GLRA1: variants seen among roughly 807,000 people sequenced by gnomAD.
The protein encoded by GLRA1 is glycine receptor alpha 1.
GLRA1 carries 37 observed loss-of-function variants against 48.3 expected under a neutral mutation model. The ratio of observed to expected loss-of-function variants is 0.77; its 90% CI spans 0.59 to 1.01. GLRA1 has a LOEUF of 1.01. Among genes scored for constraint, GLRA1 ranks in the 50% least tolerant of loss-of-function variants. The pLI, the probability that GLRA1 is intolerant of heterozygous loss-of-function variation, is 0.00. For synonymous variants in GLRA1, 196 were observed against 210.7 expected (o/e 0.93, Z 0.60); for missense variants, 427 against 571.0 (o/e 0.75, Z 2.57).
chr5:151,856,447 C>T, intron 4 of GLRA1, 64 bp from the exon 5 acceptor site: 1 of 1,051,422 alleles, frequency 9.5e-7, no homozygotes, highest in Non-Finnish European at 1.5e-6. Context: ...TGCCTCTATT[C>T]TAGTTATTGT....
chr5:151,885,308 G>C (rs989737680), intron 3 of GLRA1, among the ~76,000 whole-genome samples: 1 of 152,222 alleles, frequency 6.6e-6, no homozygotes, highest in African/African-American at 2.4e-5. Context: ...CACAGGAAAT[G>C]AAACAAGATA....
At chr5:151,900,121 C>T (rs181551756) in intron 1 of GLRA1, among the ~76,000 whole-genome samples, 3 of 152,228 alleles carry the variant, frequency 2.0e-5, no homozygotes, top group Non-Finnish European at 4.4e-5. Context: ...CCTGCCTTAT[C>T]GTATGTATCC....
chr5:151,870,224 A>G (rs1366400756), intron 3 of GLRA1, among the ~76,000 whole-genome samples: 1 of 149,340 alleles, frequency 6.7e-6, no homozygotes, highest in Non-Finnish European at 1.5e-5. Context: ...TCAGGCGAAG[A>G]ATTTTGGATT....
At chr5:151,858,028 G>T (rs4075273) in intron 4 of GLRA1, among the ~76,000 whole-genome samples, 67,788 of 152,042 alleles carry the variant, frequency 0.45, 15,553 homozygotes, top group African/African-American at 0.56. Context: ...GGTTGACTCA[G>T]GTGTTTGCTG....
In GLRA1 at chr5:151,855,168, G is replaced by A. The variant is rs781570584; in HGVS notation, c.569C>T (p.Thr190Met). The stretch of plus-strand genomic sequence containing the variant: ...CCACTCAAAGATGAGGTCATTCATC[G>A]TATATCCAACTGGGATGGGATCAGA... ...CIMQLESFGY[T>M]MNDLIFEWQE... Residue 190 changes from threonine (T) to methionine (M), a missense_variant, in exon 6 of 9, where the codon ACG (threonine) becomes ATG (methionine). Physicochemically the swap from Thr to Met is moderately conservative, Grantham distance 81 (BLOSUM62 -1). Transcript: ENST00000274576. 6.8e-6 allele frequency: 11 copies of A among 1,613,764 alleles called. No homozygotes were observed. The highest frequency in any genetic ancestry group is 2.2e-5 in the East Asian group (1 of 44,894).
intron 1 of GLRA1, among the ~76,000 whole-genome samples, chr5:151,904,426 T>C (rs17112364): frequency 0.01 from 1,559 of 152,314 alleles, 31 homozygotes; most frequent in African/African-American, 0.036. Flanking sequence ...TTGATTTCTA[T>C]CTGTTGCAAT....
chr5:151,838,839 C>T (rs1341517533), intron 7 of GLRA1, among the ~76,000 whole-genome samples: 1 of 152,160 alleles, frequency 6.6e-6, no homozygotes, highest in Admixed American at 6.5e-5. Context: ...AGATCCACAC[C>T]TAGACACATC....
At position 151,822,768 on chromosome 5, in the gene GLRA1, A is replaced by G; in HGVS notation, c.1255T>C (p.Ser419Pro). Residue 419 changes from serine to proline, a missense_variant, in exon 9 of 9, where the codon TCC becomes CCC. Physicochemically the swap from Ser to Pro is moderately conservative, Grantham distance 74. Around this residue, in one of 4 missense-constraint regions of GLRA1, gnomAD observed 121 missense variants for 96.5 expected, o/e 1.25. Transcript: ENST00000274576. The part of the protein sequence containing the change: ...IQRAKKIDKI[S>P]RIGFPMAFLI... ...AAGGCCATGGGGAAGCCAATGCGGGATATTTTGTCGATCTTCTTGGCCCTC... is the reference window on the plus strand; with the variant it reads ...AAGGCCATGGGGAAGCCAATGCGGGGTATTTTGTCGATCTTCTTGGCCCTC... 1 of 1,613,846 alleles carries G rather than the reference A, an allele frequency of 6.2e-7. No homozygotes were observed. Among genetic ancestry groups the G allele is most frequent in the Non-Finnish European group, 8.5e-7 (1 of 1,179,804 alleles).
chr5:151,841,707 C>G (rs1260614012), intron 7 of GLRA1, among the ~76,000 whole-genome samples: 1 of 152,034 alleles, frequency 6.6e-6, no homozygotes, highest in Non-Finnish European at 1.5e-5. Context: ...AACTGTATGC[C>G]AATAAATTTG....
chr5:151,860,193 C>T (rs1275982642), intron 3 of GLRA1, among the ~76,000 whole-genome samples, 185 bp from the exon 4 acceptor site: 1 of 152,050 alleles, frequency 6.6e-6, no homozygotes, highest in Non-Finnish European at 1.5e-5. Flanking sequence ...CATAATTACT[C>T]CTGAAAATCC....
intron 3 of GLRA1, among the ~76,000 whole-genome samples, chr5:151,860,496 G>GA (rs1307367936): frequency 1.3e-5 from 2 of 152,098 alleles, no homozygotes; most frequent in African/African-American, 2.4e-5. Flanking sequence ...GGAATGAAAG[G>GA]AAAAAATCAA....
chr5:151,900,749 C>G lies in GLRA1; in HGVS notation c.57-8311G>C, dbSNP rs1232228966. Among the ~76,000 whole-genome samples, 8 of 152,302 alleles carry G rather than the reference C, an allele frequency of 5.3e-5. No individual in the cohort carries two copies. In the South Asian group the frequency reaches 1.7e-3, roughly 32 times the overall value. On this transcript the variant is annotated intron_variant, in intron 1 of 8. Coordinates refer to ENST00000274576, the MANE Select transcript of GLRA1 (RefSeq NM_000171.4). ...ATGACAGTCCTGGTCTTTTCTGTTT[C>G]AAGCCAAACTTTCAGCTCTGTAACC...
chr5:151,836,978 A>G (rs1157654470), intron 7 of GLRA1, among the ~76,000 whole-genome samples: 2 of 152,076 alleles, frequency 1.3e-5, no homozygotes. Flanking sequence ...TGCACAGCAA[A>G]CAACAACAAC....
In GLRA1 at chr5:151,849,122, T is replaced by C. The variant is rs113789114; in HGVS notation, c.912+2268A>G. On this transcript the variant is annotated intron_variant, in intron 7 of 8. Coordinates refer to ENST00000274576, the MANE Select transcript of GLRA1 (RefSeq NM_000171.4). ...TCTTTTCTTTTCTTTCTTTCTTTCT[T>C]TCTTTCTTTCTTTCTTTCTTTCTTT... 5.2e-3 allele frequency: 1,056 copies of C among 204,278 alleles called. 55 individuals carry two copies. The highest frequency in any genetic ancestry group is 0.048 in the African/African-American group (977 of 20,184). 12.7% of individuals were successfully genotyped at this position (204,278 alleles called of 1,614,324 possible).
At chr5:151,841,314 A>G (rs1561551142) in intron 7 of GLRA1, among the ~76,000 whole-genome samples, 1 of 152,128 alleles carries the variant, frequency 6.6e-6, no homozygotes, top group Non-Finnish European at 1.5e-5. Flanking sequence ...TGAAAACACA[A>G]CATACTACAA....
At chr5:151,850,145 C>T (rs919180135) in intron 7 of GLRA1, 3 of 1,603,796 alleles carry the variant, frequency 1.9e-6, no homozygotes, top group African/African-American at 2.7e-5. Flanking sequence ...TCCCAGGACC[C>T]CAGGGTCCAT....
chr5:151,922,044 C>T (rs765930753), intron 1 of GLRA1, among the ~76,000 whole-genome samples: 46 of 152,144 alleles, frequency 3.0e-4, no homozygotes, highest in Non-Finnish European at 6.3e-4. Flanking sequence ...ATTGCCATTT[C>T]GCTGGTTATG....
chr5:151,853,303 G>A (rs757317567), intron 6 of GLRA1, among the ~76,000 whole-genome samples: 4 of 152,024 alleles, frequency 2.6e-5, no homozygotes, highest in Non-Finnish European at 5.9e-5. Context: ...CTGGAGTGCA[G>A]TGGCGTGATC....
At chr5:151,894,976 G>A (rs1664875666) in intron 1 of GLRA1, among the ~76,000 whole-genome samples, 1 of 152,184 alleles carries the variant, frequency 6.6e-6, no homozygotes, top group African/African-American at 2.4e-5. Flanking sequence ...GACAGGGTGA[G>A]GAACAAATGC....
Sources: gnomAD v4.1 joint callset for allele counts (sites outside exome capture counted in the v4.1 genomes callset) on GRCh38, gnomAD v4.1.1 for gene constraint, gnomAD v4.1.1 regional missense constraint, MANE v1.5 for transcripts, NCBI Gene and HGNC (gene_info 2026-07-23, HGNC 2026-07-21) for gene names.